WASHC5: variants seen among roughly 807,000 people sequenced by gnomAD.
WASHC5 encodes the protein WASH complex subunit strumpellin.
In WASHC5, 101 loss-of-function variants were observed where a neutral mutation model predicts 150.4. The ratio of observed to expected loss-of-function variants is 0.67; its 90% CI spans 0.57 to 0.79. The LOEUF is 0.79. Among genes scored for constraint, WASHC5 ranks in the 30% least tolerant of loss-of-function variants. WASHC5 has a pLI of 0.00. For missense variants in WASHC5, 1,195 were observed against 1,396.3 expected (o/e 0.86, Z 2.30); for synonymous variants, 467 against 491.2 (o/e 0.95, Z 0.65).
Position 125,083,263 on chromosome 8 carries a change from G to T in WASHC5, c.187-5C>A. The T allele has an allele frequency of 6.4e-7, 1 of 1,574,110 alleles. No homozygotes were observed. The highest frequency in any genetic ancestry group is 1.4e-5 in the African/African-American group (1 of 71,988). ...GCTTTCCCATAATTCTGGACCCTGAGAAAAAAAAACACATGTGAAATGTCA... is the reference window on the plus strand; with the variant it reads ...GCTTTCCCATAATTCTGGACCCTGATAAAAAAAAACACATGTGAAATGTCA... On this transcript the variant is annotated splice_region_variant and splice_polypyrimidine_tract_variant and intron_variant, in intron 2 of 28. Transcript: ENST00000318410.
At chr8:125,054,458 C>T (rs1816342919) in intron 17 of WASHC5, among the ~76,000 whole-genome samples, 1 of 152,140 alleles carries the variant, frequency 6.6e-6, no homozygotes. Flanking sequence ...GAAATGGAAG[C>T]AGGGATCCAG....
At chr8:125,087,401 G>C (rs1174067928) in intron 1 of WASHC5, among the ~76,000 whole-genome samples, 1 of 152,114 alleles carries the variant, frequency 6.6e-6, no homozygotes, top group Admixed American at 6.5e-5. Flanking sequence ...AAGTCGGTGA[G>C]GGAACAACAA....
Position 125,076,425 on chromosome 8 carries a change from A to G in WASHC5, c.787T>C (p.Tyr263His). ...GTGTGAAGGATGGAAGGCTCAAAGT[A>G]GAGAATCACGTACAGCATGGCAGCT... ...NQAAMLYVIL[Y>H]FEPSILHTHQ... Residue 263 changes from tyrosine (Y) to histidine (H), a missense_variant, in exon 7 of 29, where the codon TAC (tyrosine) becomes CAC (histidine). Physicochemically the swap from Tyr to His is moderately conservative, Grantham distance 83. This residue lies in a region of WASHC5 where 997 missense variants were observed against 1,168.1 expected (regional missense o/e 0.85). Coordinates refer to ENST00000318410, the MANE Select transcript of WASHC5 (RefSeq NM_014846.4). The G allele has an allele frequency of 6.2e-7, 1 of 1,614,048 alleles. No homozygotes were observed. The highest frequency in any genetic ancestry group is 8.5e-7 in the Non-Finnish European group (1 of 1,179,952).
chr8:125,083,084 G>A, intron 3 of WASHC5, 29 bp downstream of exon 3: 1 of 1,374,158 alleles, frequency 7.3e-7, no homozygotes, highest in Non-Finnish European at 1.0e-6. Context: ...TTTACTACCA[G>A]AATAAGCTAT....
At chr8:125,027,060 C>G (rs1291833874) in intron 28 of WASHC5, among the ~76,000 whole-genome samples, 1 of 151,992 alleles carries the variant, frequency 6.6e-6, no homozygotes, top group Non-Finnish European at 1.5e-5. Context: ...TTTCATATTT[C>G]TTATAGAGGT....
At chr8:125,048,779 G>T (rs1351051553) in intron 19 of WASHC5, among the ~76,000 whole-genome samples, 1 of 152,150 alleles carries the variant, frequency 6.6e-6, no homozygotes, top group East Asian at 1.9e-4. Context: ...ACAACAAACA[G>T]CTTCATTCTG....
intron 16 of WASHC5, 139 bp from the exon 17 acceptor site, chr8:125,055,810 T>C (rs2130080750): frequency 1.4e-6 from 1 of 700,950 alleles, no homozygotes; most frequent in East Asian, 2.6e-5. Flanking sequence ...GTGGTACAAC[T>C]GAAAGCCCAC....
At chr8:125,038,005 C>T (rs747736106) in intron 25 of WASHC5, among the ~76,000 whole-genome samples, 9 of 152,134 alleles carry the variant, frequency 5.9e-5, no homozygotes, top group Non-Finnish European at 1.0e-4. Context: ...CACTTGCTAG[C>T]TGGCCTCTCT....
chr8:125,074,908 C>T (rs1462940686), intron 8 of WASHC5, 90 bp downstream of exon 8: 1 of 819,700 alleles, frequency 1.2e-6, no homozygotes, highest in Non-Finnish European at 2.2e-6. Flanking sequence ...TGATTATCTT[C>T]CAAATTCCTT....
rs138407503 is a variant in WASHC5 at position 125,032,257 on chromosome 8, C to A, written c.3319G>T (p.Val1107Leu). 53 of 1,614,030 alleles carry A rather than the reference C, an allele frequency of 3.3e-5. No individual in the cohort carries two copies. The highest frequency in any genetic ancestry group is 4.0e-5 in the Non-Finnish European group (47 of 1,180,022). Residue 1107 changes from valine to leucine, a missense_variant, in exon 27 of 29, where the codon GTG (valine) becomes TTG (leucine). Coordinates refer to ENST00000318410, the MANE Select transcript of WASHC5 (RefSeq NM_014846.4). ...ALIGQFICSTVEQCTSQKIPE... is the reference protein window; with the variant it reads ...ALIGQFICSTLEQCTSQKIPE... The stretch of plus-strand genomic sequence containing the variant: ...CTTCTGTACCTTGTACACTGCTCCA[C>A]CGTGGAGCAGATAAACTGGCCAATC...
At chr8:125,034,061 T>A (rs1815623683) in intron 26 of WASHC5, among the ~76,000 whole-genome samples, 1 of 151,974 alleles carries the variant, frequency 6.6e-6, no homozygotes, top group Admixed American at 6.6e-5. Context: ...AAAAAAAATT[T>A]AAAAACGAGC....
intron 4 of WASHC5, 36 bp from the exon 5 acceptor site, chr8:125,081,797 G>T: frequency 8.4e-7 from 1 of 1,186,920 alleles, no homozygotes; most frequent in Non-Finnish European, 1.3e-6. Flanking sequence ...AAAATCACTA[G>T]ATTATACATT....
intron 28 of WASHC5, among the ~76,000 whole-genome samples, chr8:125,027,507 G>A (rs10086228): frequency 0.19 from 28,286 of 152,184 alleles, 3,120 homozygotes; most frequent in Middle Eastern, 0.35. Context: ...TACAAGTGAA[G>A]TAACTCAGGA....
chr8:125,060,359 G>A (rs986862644), intron 12 of WASHC5, among the ~76,000 whole-genome samples: 4 of 152,028 alleles, frequency 2.6e-5, no homozygotes, highest in South Asian at 2.1e-4. Context: ...GGTGGCAGGC[G>A]CCTGTAGTCC....
At chr8:125,082,970 C>T (rs959012917) in intron 3 of WASHC5, 143 bp downstream of exon 3, 5 of 587,812 alleles carry the variant, frequency 8.5e-6, no homozygotes, top group Non-Finnish European at 1.5e-5. Context: ...ACCAGTGCCA[C>T]AGGTAGGAAA....
chr8:125,067,709 T>G lies in WASHC5; in HGVS notation c.1161A>C (p.Pro387=). The change falls in exon 10 of 29, where the codon CCA becomes CCC. Residue 387 remains proline, a synonymous_variant. Coordinates refer to ENST00000318410, the MANE Select transcript of WASHC5 (RefSeq NM_014846.4). Reference sequence around the variant, plus strand: ...TGATTTGACGAAGGCGTTTGTTGTTTGGGTCACAGGCTAGAAACAGGAAAA... The same window carrying G: ...TGATTTGACGAAGGCGTTTGTTGTTGGGGTCACAGGCTAGAAACAGGAAAA... The part of the protein sequence containing the change: ...MLHTADSACD[P]NNKRLRQIKD... 1.2e-6 allele frequency: 2 copies of G among 1,613,868 alleles called. No homozygotes were observed. Among genetic ancestry groups the G allele is most frequent in the Admixed American group, 3.3e-5 (2 of 60,018 alleles).
At chr8:125,042,213 C>A (rs1235937926) in intron 23 of WASHC5, among the ~76,000 whole-genome samples, 1 of 152,182 alleles carries the variant, frequency 6.6e-6, no homozygotes, top group Non-Finnish European at 1.5e-5. Context: ...TGGCTTATCA[C>A]TCTTTCTCCA....
intron 25 of WASHC5, among the ~76,000 whole-genome samples, chr8:125,038,164 T>C (rs774202493): frequency 6.6e-6 from 1 of 152,238 alleles, no homozygotes; most frequent in African/African-American, 2.4e-5. Flanking sequence ...TATAATCTTT[T>C]ATCCAAAACA....
chr8:125,074,714 T>G (rs1382743085), intron 8 of WASHC5, among the ~76,000 whole-genome samples: 1 of 152,234 alleles, frequency 6.6e-6, no homozygotes, highest in Non-Finnish European at 1.5e-5. Flanking sequence ...GAATATAGTC[T>G]TTAAGCAAAA....
Sources: allele counts gnomAD v4.1 joint callset (sites outside exome capture counted in the v4.1 genomes callset), GRCh38; gene constraint gnomAD v4.1.1; regional missense constraint gnomAD v4.1.1; transcripts MANE v1.5; gene names NCBI Gene and HGNC (gene_info 2026-07-23, HGNC 2026-07-21).